Variants in SPATS2L observed in about 807,000 individuals in gnomAD.
SPATS2L encodes spermatogenesis associated serine rich 2 like.
Under a neutral mutation model 59.6 loss-of-function variants are expected in SPATS2L, and 30 were observed. The observed-to-expected ratio is 0.50, with a 90% confidence interval of 0.38 to 0.68. The LOEUF (loss-of-function observed/expected upper bound fraction) is 0.68, where lower values mean the gene tolerates loss of function less well. Ranked by LOEUF, SPATS2L falls within the 30% of genes least tolerant of loss-of-function variation. SPATS2L has a pLI of 0.00. For synonymous variants in SPATS2L, 252 were observed against 263.5 expected (o/e 0.96, Z 0.42); for missense variants, 615 against 700.0 (o/e 0.88, Z 1.37).
chr2:200,401,536 G>T (rs1175522491), intron 3 of SPATS2L, among the ~76,000 whole-genome samples: 4 of 152,148 alleles, frequency 2.6e-5, no homozygotes, highest in Non-Finnish European at 4.4e-5. Flanking sequence ...TGCGTAGTGA[G>T]TACACTCAGG....
chr2:200,321,850 G>A (rs780016772), intron 1 of SPATS2L, among the ~76,000 whole-genome samples: 2 of 152,062 alleles, frequency 1.3e-5, no homozygotes, highest in Non-Finnish European at 2.9e-5. Context: ...AGTCTGTTAC[G>A]CCCATTTTTC....
chr2:200,475,902 T>G (rs2087482705), intron 12 of SPATS2L, among the ~76,000 whole-genome samples: 1 of 152,210 alleles, frequency 6.6e-6, no homozygotes, highest in Non-Finnish European at 1.5e-5. Context: ...AGATAGTATA[T>G]AAAGCGGGAA....
intron 2 of SPATS2L, among the ~76,000 whole-genome samples, chr2:200,355,123 C>T (rs1303319389): frequency 6.6e-6 from 1 of 152,172 alleles, no homozygotes; most frequent in Non-Finnish European, 1.5e-5. Context: ...TTTGTTTCCC[C>T]TCTTTGCCCT....
At chr2:200,439,400 C>G (rs992268322) in intron 7 of SPATS2L, 72 bp downstream of exon 7, 2 of 1,319,074 alleles carry the variant, frequency 1.5e-6, no homozygotes, top group African/African-American at 1.5e-5. Flanking sequence ...AGTGACAGAA[C>G]TTTCCAAAAG....
chr2:200,316,397 T>C (rs1249694911), intron 1 of SPATS2L, among the ~76,000 whole-genome samples: 1 of 152,198 alleles, frequency 6.6e-6, no homozygotes, highest in Admixed American at 6.5e-5. Flanking sequence ...AAACAGAAGT[T>C]TGAAAGTCCT....
At chr2:200,363,321 C>CT (rs2081169868) in intron 2 of SPATS2L, among the ~76,000 whole-genome samples, 1 of 151,998 alleles carries the variant, frequency 6.6e-6, no homozygotes, top group South Asian at 2.1e-4. Flanking sequence ...TATACATACT[C>CT]TATCGGGGAC....
At chr2:200,318,107 T>TGTAAACAGCA (rs2079439953) in intron 1 of SPATS2L, among the ~76,000 whole-genome samples, 1 of 152,254 alleles carries the variant, frequency 6.6e-6, no homozygotes, top group Non-Finnish European at 1.5e-5. Context: ...GTTGAAGTGC[T>TGTAAACAGCA]GTAAACAGCA....
chr2:200,370,732 A>G (rs908777951), intron 2 of SPATS2L, among the ~76,000 whole-genome samples: 12 of 152,198 alleles, frequency 7.9e-5, no homozygotes, highest in African/African-American at 2.9e-4. Flanking sequence ...TGCAACACAG[A>G]GAGTTTAATT....
intron 1 of SPATS2L, among the ~76,000 whole-genome samples, chr2:200,311,108 T>A (rs3769479): frequency 0.057 from 8,701 of 152,318 alleles, 500 homozygotes; most frequent in Admixed American, 0.19. Flanking sequence ...TGATTTTTTT[T>A]AAATCATGGG....
intron 2 of SPATS2L, among the ~76,000 whole-genome samples, chr2:200,352,070 A>T (rs1001216004): frequency 5.9e-5 from 9 of 152,024 alleles, no homozygotes; most frequent in African/African-American, 2.2e-4. Context: ...CCAGAGACTG[A>T]TGGGTGTTTG....
At chr2:200,422,659 T>C (rs2083361539) in intron 6 of SPATS2L, among the ~76,000 whole-genome samples, 2 of 152,210 alleles carry the variant, frequency 1.3e-5, no homozygotes, top group Admixed American at 1.3e-4. Flanking sequence ...CCATTTGTTA[T>C]GATTATAAAT....
chr2:200,350,095 G>C (rs539158657), intron 2 of SPATS2L, among the ~76,000 whole-genome samples: 4 of 152,272 alleles, frequency 2.6e-5, no homozygotes, highest in African/African-American at 7.2e-5. Context: ...CAGTTTTCTA[G>C]AGAGGAAACC....
chr2:200,416,408 A>C lies in SPATS2L; in HGVS notation c.178A>C (p.Asn60His). Residue 60 changes from asparagine (N) to histidine (H), a missense_variant, in exon 5 of 13, where the codon AAT becomes CAT. Coordinates refer to ENST00000409140, the MANE Select transcript of SPATS2L (RefSeq NM_001100423.2). ...TGCAATTCAAGTTCTAAAAGAATGGAATATGACAGGAAAAAAGAAGGTAAG... is the reference window on the plus strand; with the variant it reads ...TGCAATTCAAGTTCTAAAAGAATGGCATATGACAGGAAAAAAGAAGGTAAG... ...GSAIQVLKEW[N>H]MTGKKKNNKR... 6.7e-7 allele frequency: 1 copy of C among 1,496,190 alleles called. No individual in the cohort carries two copies. The highest frequency in any genetic ancestry group is 9.0e-7 in the Non-Finnish European group (1 of 1,108,368). 92.7% of individuals were successfully genotyped at this position (1,496,190 alleles called of 1,614,324 possible). A position where few individuals can be genotyped will look rare whatever the true frequency, so the allele number is the denominator to read the frequency against.
intron 2 of SPATS2L, among the ~76,000 whole-genome samples, chr2:200,365,196 G>T (rs921982877): frequency 1.3e-5 from 2 of 152,134 alleles, no homozygotes; most frequent in African/African-American, 4.8e-5. Context: ...TATTTTGTGG[G>T]TTTACTTATG....
At chr2:200,322,641 G>A (rs1248586292) in intron 1 of SPATS2L, among the ~76,000 whole-genome samples, 1 of 152,166 alleles carries the variant, frequency 6.6e-6, no homozygotes, top group Non-Finnish European at 1.5e-5. Flanking sequence ...AGTGTGTACT[G>A]TGGCAGCCAA....
intron 2 of SPATS2L, among the ~76,000 whole-genome samples, chr2:200,355,089 A>G (rs1012152981): frequency 2.6e-5 from 4 of 152,218 alleles, no homozygotes; most frequent in Admixed American, 2.6e-4. Flanking sequence ...CCCTTCCTCT[A>G]TCTCTCCCTT....
At position 200,345,199 on chromosome 2, in the gene SPATS2L, T is replaced by C. The variant is rs2080470747; in HGVS notation, c.-23+15719T>C. 2.0e-5 allele frequency among the ~76,000 whole-genome samples: 3 copies of C among 152,204 alleles called. No individual in the cohort carries two copies. In the East Asian group the frequency reaches 5.8e-4, roughly 29 times the overall value. Reference sequence around the variant, plus strand: ...GGTTGTCTTTCAGGAGTTTTTATAGTTTTGGGTTTTACATCTAAGTCTAAT... The same window carrying C: ...GGTTGTCTTTCAGGAGTTTTTATAGCTTTGGGTTTTACATCTAAGTCTAAT... On this transcript the variant is annotated intron_variant, in intron 2 of 12. Transcript: ENST00000409140.
intron 10 of SPATS2L, 167 bp from the exon 11 acceptor site, chr2:200,469,747 G>A (rs1371469823): frequency 1.8e-6 from 1 of 565,602 alleles, no homozygotes; most frequent in East Asian, 2.9e-5. Flanking sequence ...TCCCTAGCCA[G>A]GTCAGCACTA....
At chr2:200,365,137 C>T (rs187895258) in intron 2 of SPATS2L, among the ~76,000 whole-genome samples, 1 of 152,278 alleles carries the variant, frequency 6.6e-6, no homozygotes, top group East Asian at 1.9e-4. Flanking sequence ...TTTGCATTAT[C>T]ACAGGACAAG....
Sources: allele counts gnomAD v4.1 joint callset (sites outside exome capture counted in the v4.1 genomes callset), GRCh38; gene constraint gnomAD v4.1.1; transcripts MANE v1.5; gene names NCBI Gene and HGNC (gene_info 2026-07-23, HGNC 2026-07-21).